The following RYR3 variants were observed in gnomAD, a reference collection of about 807,000 sequenced individuals.
The protein encoded by RYR3 is brain ryanodine receptor-calcium release channel.
Under a neutral mutation model 584.3 loss-of-function variants are expected in RYR3, and 207 were observed. The ratio of observed to expected loss-of-function variants is 0.35; its 90% CI spans 0.32 to 0.40. The LOEUF is 0.40. RYR3 is among the 10% of genes least tolerant of loss of function. RYR3 has a pLI of 1.00. For missense variants in RYR3, 5,616 were observed against 6,089.2 expected (o/e 0.92, Z 2.59); for synonymous variants, 2,416 against 2,248.5 (o/e 1.07, Z -2.11).
chr15:33,848,484 C>G, intron 94 of RYR3, 63 bp downstream of exon 94: 2 of 1,529,046 alleles, frequency 1.3e-6, no homozygotes, highest in Non-Finnish European at 1.8e-6. Flanking sequence ...TAGAGTAACT[C>G]TTTCCTCCTG....
At chr15:33,806,292 G>A (rs1269710033) in intron 69 of RYR3, among the ~76,000 whole-genome samples, 1 of 152,116 alleles carries the variant, frequency 6.6e-6, no homozygotes, top group Non-Finnish European at 1.5e-5. Context: ...ATAACCACTG[G>A]TGATAGTTTA....
intron 28 of RYR3, 56 bp downstream of exon 28, chr15:33,644,575 C>G: frequency 7.2e-7 from 1 of 1,386,390 alleles, no homozygotes; most frequent in Non-Finnish European, 1.0e-6. Context: ...AGGCCCTAAG[C>G]TTGCCCTAAG....
chr15:33,602,049 A>G (rs748446153), intron 17 of RYR3, among the ~76,000 whole-genome samples: 14 of 152,210 alleles, frequency 9.2e-5, no homozygotes, highest in Admixed American at 2.6e-4. Context: ...TTGCTAGTCC[A>G]TGCATGTGGC....
chr15:33,589,529 T>C (rs2059023314), intron 16 of RYR3, among the ~76,000 whole-genome samples: 1 of 152,254 alleles, frequency 6.6e-6, no homozygotes, highest in Non-Finnish European at 1.5e-5. Flanking sequence ...CATAAATTCT[T>C]TGCCTAGACC....
intron 38 of RYR3, among the ~76,000 whole-genome samples, chr15:33,692,304 G>C (rs1217806546): frequency 6.6e-6 from 1 of 152,180 alleles, no homozygotes; most frequent in Admixed American, 6.5e-5. Context: ...CATCCCAAAA[G>C]TGTTTAGACC....
intron 2 of RYR3, among the ~76,000 whole-genome samples, chr15:33,477,575 TAAAA>T (rs3084422): frequency 1.7e-5 from 2 of 116,404 alleles, no homozygotes; most frequent in South Asian, 2.7e-4. Flanking sequence ...CTTGTTTTGT[TAAAA>T]AAAAAAAAAA....
chr15:33,844,696 G>A, intron 92 of RYR3, 166 bp from the exon 93 acceptor site: 1 of 623,800 alleles, frequency 1.6e-6, no homozygotes, highest in Non-Finnish European at 2.8e-6. Flanking sequence ...TAGAGATACT[G>A]GGTGATTCCT....
At chr15:33,631,468 G>A (rs1163185710) in intron 23 of RYR3, among the ~76,000 whole-genome samples, 175 bp downstream of exon 23, 1 of 152,154 alleles carries the variant, frequency 6.6e-6, no homozygotes, top group Non-Finnish European at 1.5e-5. Flanking sequence ...TGGTGAAGAA[G>A]TATTTCAGGG....
chr15:33,313,406 C>T (rs894638608), intron 1 of RYR3, among the ~76,000 whole-genome samples: 3 of 152,214 alleles, frequency 2.0e-5, no homozygotes, highest in Admixed American at 6.5e-5. Context: ...AGTACTGCAG[C>T]TTTCTGAGCT....
At chr15:33,552,778 A>G (rs2056782811) in intron 10 of RYR3, among the ~76,000 whole-genome samples, 1 of 152,146 alleles carries the variant, frequency 6.6e-6, no homozygotes, top group Non-Finnish European at 1.5e-5. Flanking sequence ...GTCATACACC[A>G]TCCAAATAAC....
intron 12 of RYR3, among the ~76,000 whole-genome samples, chr15:33,575,026 CAAAG>C (rs1288205689): frequency 6.6e-6 from 1 of 152,086 alleles, no homozygotes; most frequent in African/African-American, 2.4e-5. Flanking sequence ...TCAAAAAAGA[CAAAG>C]AAGGGCATTA....
At position 33,449,863 on chromosome 15, in the gene RYR3, C is replaced by A. The variant is rs532899293; in HGVS notation, c.52-23556C>A. ...TTAACCAGAGGGAAGCATAAAGATC[C>A]CCCAAATCCTGGGTGGGACTGGGAG... On this transcript the variant is annotated intron_variant, in intron 1 of 103. Transcript: ENST00000634891. Among the ~76,000 whole-genome samples, 7 of 151,960 alleles carry A rather than the reference C, an allele frequency of 4.6e-5. No individual in the cohort carries two copies. The East Asian group carries it at 1.4e-3, about 29-fold the overall frequency.
chr15:33,425,704 T>C (rs1282560034), intron 1 of RYR3, among the ~76,000 whole-genome samples: 36 of 142,202 alleles, frequency 2.5e-4, no homozygotes, highest in East Asian at 1.7e-3. Flanking sequence ...TGAATTGCCG[T>C]GATCTTGGCT....
intron 8 of RYR3, 23 bp downstream of exon 8, chr15:33,543,738 C>T: frequency 7.0e-7 from 1 of 1,418,772 alleles, no homozygotes; most frequent in Non-Finnish European, 1.0e-6. Flanking sequence ...CTGCATTCTT[C>T]CACTAGCTGT....
At chr15:33,732,532 A>T (rs2152823879) in intron 48 of RYR3, among the ~76,000 whole-genome samples, 1 of 152,326 alleles carries the variant, frequency 6.6e-6, no homozygotes, top group African/African-American at 2.4e-5. Flanking sequence ...GACAAAAGGT[A>T]AAGTCACCCC....
intron 2 of RYR3, among the ~76,000 whole-genome samples, chr15:33,488,745 G>A (rs528651477): frequency 1.6e-4 from 25 of 152,196 alleles, no homozygotes; most frequent in African/African-American, 5.5e-4. Flanking sequence ...CCAGCTATTC[G>A]GGAGGCTGAG....
chr15:33,608,820 A>G (rs1191761833), intron 18 of RYR3, among the ~76,000 whole-genome samples: 1 of 152,238 alleles, frequency 6.6e-6, no homozygotes, highest in Non-Finnish European at 1.5e-5. Flanking sequence ...GGGAAAAGAC[A>G]GTGTCTTTCA....
At chr15:33,512,800 C>CA (rs1397816314) in intron 3 of RYR3, among the ~76,000 whole-genome samples, 7 of 151,800 alleles carry the variant, frequency 4.6e-5, no homozygotes, top group South Asian at 2.1e-4. Context: ...ATTTTAATTG[C>CA]AAAAAAATGT....
chr15:33,669,350 A>G lies in RYR3; in HGVS notation c.5620-4A>G, dbSNP rs988120610. On this transcript the variant is annotated splice_region_variant and splice_polypyrimidine_tract_variant and intron_variant, in intron 36 of 103. Coordinates refer to ENST00000634891, the MANE Select transcript of RYR3 (RefSeq NM_001036.6). ...ACTAGCTATTCTTCTCTTGCCTCTCAAAGATCAACATGCTGCTTAACTTTC... is the reference window on the plus strand; with the variant it reads ...ACTAGCTATTCTTCTCTTGCCTCTCGAAGATCAACATGCTGCTTAACTTTC... 14 of 1,613,762 alleles carry G rather than the reference A, an allele frequency of 8.7e-6. No homozygotes were observed. Among genetic ancestry groups the G allele is most frequent in the Non-Finnish European group, 1.2e-5 (14 of 1,179,710 alleles).
Sources: allele counts gnomAD v4.1 joint callset (sites outside exome capture counted in the v4.1 genomes callset), GRCh38; gene constraint gnomAD v4.1.1; transcripts MANE v1.5; gene names NCBI Gene and HGNC (gene_info 2026-07-23, HGNC 2026-07-21).